The following CEP128 variants were observed in gnomAD, a reference collection of about 807,000 sequenced individuals.
The protein encoded by CEP128 is centrosomal protein 128, also known as centrosomal protein 128kDa.
CEP128 carries 132 observed loss-of-function variants against 156.7 expected under a neutral mutation model. That is an observed-to-expected ratio of 0.84 (90% confidence interval 0.73 to 0.97). CEP128 has a LOEUF of 0.97. Among genes scored for constraint, CEP128 ranks in the 50% least tolerant of loss-of-function variants. CEP128 has a pLI of 0.00. For synonymous variants in CEP128, 469 were observed against 448.9 expected (o/e 1.04, Z -0.57); for missense variants, 1,252 against 1,281.9 (o/e 0.98, Z 0.36).
At chr14:80,819,646 G>A (rs1885059584) in intron 13 of CEP128, among the ~76,000 whole-genome samples, 1 of 151,998 alleles carries the variant, frequency 6.6e-6, no homozygotes, top group African/African-American at 2.4e-5. Flanking sequence ...CATTACTTTG[G>A]GGATTAGATT....
chr14:80,639,948 G>T (rs1338669946), intron 19 of CEP128, among the ~76,000 whole-genome samples: 2 of 152,280 alleles, frequency 1.3e-5, no homozygotes, highest in East Asian at 3.9e-4. Context: ...TATAGAAAGT[G>T]ACTTTTCCAT....
intron 19 of CEP128, among the ~76,000 whole-genome samples, chr14:80,704,189 T>C (rs1595250695): frequency 1.3e-5 from 2 of 152,030 alleles, no homozygotes; most frequent in Non-Finnish European, 2.9e-5. Flanking sequence ...AATTATGTAG[T>C]CCTAGATCAT....
At chr14:80,877,864 G>C (rs1888356477) in intron 8 of CEP128, among the ~76,000 whole-genome samples, 1 of 152,090 alleles carries the variant, frequency 6.6e-6, no homozygotes, top group Non-Finnish European at 1.5e-5. Flanking sequence ...CCACAGACAA[G>C]ACAATACCCA....
intron 19 of CEP128, among the ~76,000 whole-genome samples, chr14:80,675,251 G>A (rs1217934602): frequency 6.6e-6 from 1 of 151,986 alleles, no homozygotes; most frequent in Non-Finnish European, 1.5e-5. Flanking sequence ...TATCAATGTT[G>A]ATTCTAAGAA....
intron 9 of CEP128, among the ~76,000 whole-genome samples, chr14:80,843,631 A>T (rs1472725880): frequency 6.6e-6 from 1 of 152,098 alleles, no homozygotes; most frequent in Non-Finnish European, 1.5e-5. Context: ...AATAAAAGCC[A>T]GTGAAAAAAT....
At chr14:80,722,766 A>G (rs980190031) in intron 19 of CEP128, among the ~76,000 whole-genome samples, 4 of 151,460 alleles carry the variant, frequency 2.6e-5, no homozygotes, top group Admixed American at 1.3e-4. Flanking sequence ...TGAAGAAGAC[A>G]AGGAGGAGGA....
At chr14:80,668,050 T>A (rs1895696678) in intron 19 of CEP128, among the ~76,000 whole-genome samples, 1 of 152,142 alleles carries the variant, frequency 6.6e-6, no homozygotes, top group Admixed American at 6.5e-5. Flanking sequence ...TTTAAAAACT[T>A]ACTATGTGCC....
intron 8 of CEP128, among the ~76,000 whole-genome samples, chr14:80,869,565 C>T (rs1247306268): frequency 6.6e-6 from 1 of 151,758 alleles, no homozygotes; most frequent in Admixed American, 6.6e-5. Flanking sequence ...CTAAACTAAG[C>T]CACTGTCAAT....
At position 80,497,626 on chromosome 14, in the gene CEP128, T is replaced by C. The variant is rs751781292; in HGVS notation, c.3182-44A>G. 22 of 1,308,106 alleles carry C rather than the reference T, an allele frequency of 1.7e-5. No individual in the cohort carries two copies. The East Asian group carries it at 4.2e-4, about 25-fold the overall frequency. 81.0% of individuals were successfully genotyped at this position (1,308,106 alleles called of 1,614,324 possible). ...AAAGAAAAATAAACCTAGGTGAATA[T>C]AAAACTGGCCTAAAAAATTAATTTT... On this transcript the variant is annotated intron_variant, in intron 24 of 24. Coordinates refer to ENST00000555265, the MANE Select transcript of CEP128 (RefSeq NM_152446.5).
Position 80,919,296 on chromosome 14 carries a change from A to T in CEP128, c.-15-2734T>A, listed in dbSNP as rs1321747266. ...AATTTGAGTTTCAACATGACTAAAAATAATTATAACTGAAATTTGGGGATG... is the reference window on the plus strand; with the variant it reads ...AATTTGAGTTTCAACATGACTAAAATTAATTATAACTGAAATTTGGGGATG... On this transcript the variant is annotated intron_variant, in intron 2 of 24. Coordinates refer to ENST00000555265, the MANE Select transcript of CEP128 (RefSeq NM_152446.5). Among the ~76,000 whole-genome samples the T allele has an allele frequency of 1.1e-4, 16 of 152,212 alleles. 1 individual carries two copies. The highest frequency in any genetic ancestry group is 1.0e-3 in the Admixed American group (16 of 15,282).
intron 21 of CEP128, 91 bp from the exon 22 acceptor site, chr14:80,530,977 A>G: frequency 1.5e-6 from 1 of 668,976 alleles, no homozygotes; most frequent in Admixed American, 2.7e-5. Flanking sequence ...GCACCACTGT[A>G]AGAAGCAGTT....
chr14:80,949,108 A>G (rs1220375387), intron 2 of CEP128, among the ~76,000 whole-genome samples: 1 of 152,216 alleles, frequency 6.6e-6, no homozygotes, highest in African/African-American at 2.4e-5. Context: ...CCAAAAAAAC[A>G]GGCAAGATAT....
chr14:80,815,007 G>C lies in CEP128; in HGVS notation c.1209+16136C>G, dbSNP rs144838491. Among the ~76,000 whole-genome samples, 210 of 152,122 alleles carry C rather than the reference G, an allele frequency of 1.4e-3. 2 individuals carry two copies. Among genetic ancestry groups the C allele is most frequent in the African/African-American group, 4.5e-3 (188 of 41,532 alleles). ...TGAGAGGCAGAGATTGTAGTGAGCCGAGATTGTGCCACTGCACTCCAGCCT... is the reference window on the plus strand; with the variant it reads ...TGAGAGGCAGAGATTGTAGTGAGCCCAGATTGTGCCACTGCACTCCAGCCT... On this transcript the variant is annotated intron_variant, in intron 13 of 24. Coordinates refer to ENST00000555265, the MANE Select transcript of CEP128 (RefSeq NM_152446.5).
chr14:80,497,630 A>G, intron 24 of CEP128, 48 bp from the exon 25 acceptor site: 1 of 1,276,228 alleles, frequency 7.8e-7, no homozygotes, highest in Non-Finnish European at 1.1e-6. Context: ...TGAATATAAA[A>G]CTGGCCTAAA....
At chr14:80,758,407 AGCTACTCG>A (rs1258177910) in intron 17 of CEP128, among the ~76,000 whole-genome samples, 6 of 151,970 alleles carry the variant, frequency 3.9e-5, no homozygotes, top group Admixed American at 3.9e-4. Flanking sequence ...CTGTAATCCC[AGCTACTCG>A]GGAGGCTGAG....
Position 80,536,800 on chromosome 14 carries a change from T to C in CEP128, c.2881-5914A>G, listed in dbSNP as rs567528333. 4.6e-5 allele frequency among the ~76,000 whole-genome samples: 7 copies of C among 152,290 alleles called. No homozygotes were observed. The East Asian group carries it at 1.4e-3, about 29-fold the overall frequency. ...TCTTTATGAGCCCCAGTGTTCAAAGTTGTGTGTATTTCTTGGGATATCAGA... is the reference window on the plus strand; with the variant it reads ...TCTTTATGAGCCCCAGTGTTCAAAGCTGTGTGTATTTCTTGGGATATCAGA... On this transcript the variant is annotated intron_variant, in intron 21 of 24. Transcript: ENST00000555265.
In CEP128 at chr14:80,761,486, A is replaced by T. The variant is rs1401536437; in HGVS notation, c.2504T>A (p.Ile835Asn). The T allele has an allele frequency of 1.2e-6, 2 of 1,612,140 alleles. No individual in the cohort carries two copies. The highest frequency in any genetic ancestry group is 1.7e-5 in the Admixed American group (1 of 59,954). The change falls in exon 17 of 25, where the codon ATT becomes AAT. Residue 835 changes from isoleucine to asparagine, a missense_variant. Transcript: ENST00000555265. ...GGAGAATGTTTTACAAGCTGCATCA[A>T]TTTCCTTTCCTATCACACCAAGAAT... ...ESILGVIGKEIDAACKTFSKD... is the reference protein window; with the variant it reads ...ESILGVIGKENDAACKTFSKD...
chr14:80,680,832 T>C (rs1272563558), intron 19 of CEP128, among the ~76,000 whole-genome samples: 1 of 152,108 alleles, frequency 6.6e-6, no homozygotes, highest in East Asian at 1.9e-4. Flanking sequence ...TGCTTGTGTT[T>C]ACCATTGGGG....
At chr14:80,681,369 A>G (rs1366859584) in intron 19 of CEP128, among the ~76,000 whole-genome samples, 1 of 152,210 alleles carries the variant, frequency 6.6e-6, no homozygotes, top group Admixed American at 6.5e-5. Context: ...GACACCACCA[A>G]TAGATCACAT....
Sources: allele counts gnomAD v4.1 joint callset (sites outside exome capture counted in the v4.1 genomes callset), GRCh38; gene constraint gnomAD v4.1.1; transcripts MANE v1.5; gene names NCBI Gene and HGNC (gene_info 2026-07-23, HGNC 2026-07-21).